IBTK: variants seen among roughly 807,000 people sequenced by gnomAD.
IBTK encodes BTK-binding protein.
A neutral mutation model predicts 154.9 loss-of-function variants in IBTK; 83 were observed. The observed-to-expected ratio is 0.54, with a 90% CI of 0.45 to 0.64. IBTK has a LOEUF of 0.64. Ranked by LOEUF, IBTK falls within the 30% of genes least tolerant of loss-of-function variation. IBTK has a pLI of 0.00. For missense variants in IBTK, 1,332 were observed against 1,584.6 expected (o/e 0.84, Z 2.71); for synonymous variants, 515 against 536.1 (o/e 0.96, Z 0.54).
chr6:82,185,248 A>C (rs1324111622), intron 25 of IBTK, among the ~76,000 whole-genome samples: 1 of 151,644 alleles, frequency 6.6e-6, no homozygotes, highest in Admixed American at 6.6e-5. Flanking sequence ...TATAAATAAC[A>C]ATCTGTAAAT....
In IBTK at chr6:82,200,887, C is replaced by T. The variant is rs1056862087; in HGVS notation, c.2791-179G>A. The stretch of plus-strand genomic sequence containing the variant: ...AAATGCTAGGATTACAGGCATAAGC[C>T]ACCACACCCAGCCTAAAGATGTTTT... On this transcript the variant is annotated intron_variant, in intron 19 of 28. Coordinates refer to ENST00000306270, the MANE Select transcript of IBTK (RefSeq NM_015525.4). Among the ~76,000 whole-genome samples the T allele has an allele frequency of 1.3e-4, 20 of 151,184 alleles. 1 individual carries two copies. Among genetic ancestry groups the T allele is most frequent in the Admixed American group, 9.2e-4 (14 of 15,144 alleles).
At position 82,204,921 on chromosome 6, in the gene IBTK, C is replaced by A. The variant is rs1324743123; in HGVS notation, c.2547G>T (p.Val849=). 6.2e-7 allele frequency: 1 copy of A among 1,604,854 alleles called. No individual in the cohort carries two copies. The highest frequency in any genetic ancestry group is 8.5e-7 in the Non-Finnish European group (1 of 1,175,196). The change falls in exon 17 of 29, where the codon GTG becomes GTT. Residue 849 remains valine, a synonymous_variant. Coordinates refer to ENST00000306270, the MANE Select transcript of IBTK (RefSeq NM_015525.4). ...GGGTTATGAGAAGTTGATCAGCCAC[C>A]ACAAGAACACTACAAATAAAATCTA... ...QNVDFICSVL[V]VADQLLITRL...
At position 82,214,663 on chromosome 6, in the gene IBTK, G is replaced by C. The variant is rs1769799147; in HGVS notation, c.1768C>G (p.Gln590Glu). ...TTACCATCTGAAAGAAACAATTTCT[G>C]AAAAAAATCAGAATGCACTGCCAAA... ...YILAVHSDFF[Q>E]KLFLSDGNTS... Residue 590 changes from glutamine to glutamate, a missense_variant, in exon 12 of 29, where the codon CAG becomes GAG. Gln to Glu is a conservative substitution (Grantham distance 29). Around this residue, in one of 3 missense-constraint regions of IBTK, gnomAD observed 1,134 missense variants for 1,274.7 expected, o/e 0.89. Transcript: ENST00000306270. 1 of 1,613,734 alleles carries C rather than the reference G, an allele frequency of 6.2e-7. No individual in the cohort carries two copies. Among genetic ancestry groups the C allele is most frequent in the African/African-American group, 1.3e-5 (1 of 74,874 alleles).
chr6:82,231,289 A>G (rs992230730), intron 4 of IBTK, among the ~76,000 whole-genome samples: 2 of 150,602 alleles, frequency 1.3e-5, no homozygotes, highest in African/African-American at 4.9e-5. Context: ...TCTAAATTGA[A>G]ATTATTTTAT....
At chr6:82,177,389 T>G (rs1045681586) in intron 26 of IBTK, among the ~76,000 whole-genome samples, 2 of 151,782 alleles carry the variant, frequency 1.3e-5, no homozygotes, top group Non-Finnish European at 2.9e-5. Context: ...ATTTATTTAT[T>G]TACTTATTTA....
intron 6 of IBTK, among the ~76,000 whole-genome samples, chr6:82,224,697 C>G (rs1159514592): frequency 5.9e-5 from 9 of 152,144 alleles, no homozygotes; most frequent in Admixed American, 5.9e-4. Flanking sequence ...GACCCATGTC[C>G]CCTAACATCA....
intron 6 of IBTK, 57 bp downstream of exon 6, chr6:82,225,420 T>G: frequency 7.2e-7 from 1 of 1,382,508 alleles, no homozygotes; most frequent in Non-Finnish European, 1.0e-6. Flanking sequence ...CATTTTTTTG[T>G]TCATACAGGT....
intron 6 of IBTK, 70 bp from the exon 7 acceptor site, chr6:82,224,255 G>A (rs914531521): frequency 1.3e-5 from 14 of 1,080,146 alleles, no homozygotes; most frequent in Non-Finnish European, 1.7e-5. Context: ...TAAAGATCCA[G>A]CAGACCAGCA....
chr6:82,240,764 A>T lies in IBTK; in HGVS notation c.-278T>A. ...AGTTTATAAATTATTCCTGGAGTCAAGCACCAAGGGGGAGTGAGGAGGGGA... is the reference window on the plus strand; with the variant it reads ...AGTTTATAAATTATTCCTGGAGTCATGCACCAAGGGGGAGTGAGGAGGGGA... On this transcript the variant is annotated 5_prime_UTR_variant, in exon 2 of 29. The change creates a new upstream start codon in the 5' untranslated region. Coordinates refer to ENST00000306270, the MANE Select transcript of IBTK (RefSeq NM_015525.4). 1 of 466,684 alleles carries T rather than the reference A, an allele frequency of 2.1e-6. No individual in the cohort carries two copies. Among genetic ancestry groups the T allele is most frequent in the Non-Finnish European group, 3.7e-6 (1 of 267,850 alleles). 28.9% of individuals were successfully genotyped at this position (466,684 alleles called of 1,614,324 possible). A position where few individuals can be genotyped will look rare whatever the true frequency, so the allele number is the denominator to read the frequency against.
In IBTK at chr6:82,173,398, T is replaced by C. The variant is rs750680621; in HGVS notation, c.3766A>G (p.Ile1256Val). The change falls in exon 27 of 29, where the codon ATT becomes GTT. Residue 1256 changes from isoleucine to valine, a missense_variant. Physicochemically the swap from Ile to Val is conservative, Grantham distance 29. Coordinates refer to ENST00000306270, the MANE Select transcript of IBTK (RefSeq NM_015525.4). Reference protein sequence around the residue: ...HGTPGPEGNHISDLPLLDSPN... With the variant: ...HGTPGPEGNHVSDLPLLDSPN... ...CTGTCTAGAAGTGGTAAATCTGAAATATGGTTGCCTTCTGGTCCTGGGGTA... is the reference window on the plus strand; with the variant it reads ...CTGTCTAGAAGTGGTAAATCTGAAACATGGTTGCCTTCTGGTCCTGGGGTA... 1.5e-5 allele frequency: 25 copies of C among 1,613,698 alleles called. No homozygotes were observed. Among genetic ancestry groups the C allele is most frequent in the Non-Finnish European group, 8.5e-6 (10 of 1,179,704 alleles).
intron 4 of IBTK, among the ~76,000 whole-genome samples, chr6:82,230,169 T>G (rs1186030565): frequency 4.6e-5 from 7 of 152,164 alleles, no homozygotes; most frequent in Non-Finnish European, 1.0e-4. Flanking sequence ...AAACTAAGTG[T>G]TGTTATGTAT....
At chr6:82,204,147 G>A (rs1256479572) in intron 17 of IBTK, among the ~76,000 whole-genome samples, 2 of 152,122 alleles carry the variant, frequency 1.3e-5, no homozygotes, top group East Asian at 3.9e-4. Context: ...TAAAGAAACA[G>A]AAGTAGACAG....
chr6:82,191,923 A>G (rs774558927), intron 23 of IBTK, 44 bp from the exon 24 acceptor site: 24 of 1,111,856 alleles, frequency 2.2e-5, no homozygotes, highest in Non-Finnish European at 3.1e-5. Context: ...TCATTTACCT[A>G]TAAAGCCCAA....
At chr6:82,225,239 G>C (rs1259555068) in intron 6 of IBTK, among the ~76,000 whole-genome samples, 1 of 151,966 alleles carries the variant, frequency 6.6e-6, no homozygotes, top group Non-Finnish European at 1.5e-5. Flanking sequence ...GAACCCGAGG[G>C]GCAGAGGTTG....
intron 26 of IBTK, among the ~76,000 whole-genome samples, chr6:82,181,108 G>A (rs1768303435): frequency 6.6e-6 from 1 of 152,064 alleles, no homozygotes; most frequent in Non-Finnish European, 1.5e-5. Context: ...AAAATAGCTA[G>A]GCCAGGTGTG....
intron 15 of IBTK, 62 bp downstream of exon 15, chr6:82,211,305 A>C: frequency 7.5e-7 from 1 of 1,331,964 alleles, no homozygotes; most frequent in Non-Finnish European, 1.0e-6. Context: ...TTTACTACAT[A>C]CTTTGCACAA....
At chr6:82,176,508 C>A (rs568975048) in intron 26 of IBTK, among the ~76,000 whole-genome samples, 2 of 124,864 alleles carry the variant, frequency 1.6e-5, no homozygotes, top group African/African-American at 6.2e-5. Flanking sequence ...GTGACAAGAG[C>A]GAGAGTCCGT....
At chr6:82,175,115 TCA>T in intron 26 of IBTK, 1 of 368,362 alleles carries the variant, frequency 2.7e-6, no homozygotes, top group Non-Finnish European at 5.5e-6. Context: ...TCTTTGTATC[TCA>T]GTGTCCACCA....
chr6:82,175,734 A>G (rs906327101), intron 26 of IBTK, among the ~76,000 whole-genome samples: 1 of 152,204 alleles, frequency 6.6e-6, no homozygotes, highest in African/African-American at 2.4e-5. Context: ...TTTTCCTTAA[A>G]AGATTTTTGT....
Sources: allele counts gnomAD v4.1 joint callset (sites outside exome capture counted in the v4.1 genomes callset), GRCh38; gene constraint gnomAD v4.1.1; regional missense constraint gnomAD v4.1.1; transcripts MANE v1.5; gene names NCBI Gene and HGNC (gene_info 2026-07-23, HGNC 2026-07-21).